Variants in ELP4 observed in about 807,000 individuals in gnomAD.
The protein encoded by ELP4 is elongator acetyltransferase complex subunit 4.
Under a neutral mutation model 48.9 loss-of-function variants are expected in ELP4, and 51 were observed. The observed-to-expected ratio is 1.04, with a 90% CI of 0.83 to 1.32. The LOEUF (loss-of-function observed/expected upper bound fraction) is 1.32. ELP4 is among the 40% of genes most tolerant of loss of function. The pLI, the probability that ELP4 is intolerant of heterozygous loss-of-function variation, is 0.00. For missense variants in ELP4, 519 were observed against 514.6 expected (o/e 1.01, Z -0.08); for synonymous variants, 210 against 189.2 (o/e 1.11, Z -0.90).
rs116884725 is a variant in ELP4, at chr11:31,729,029, G to C, written c.1144-54364G>C. On this transcript the variant is annotated intron_variant, in intron 9 of 9. Coordinates refer to ENST00000640961, the MANE Select transcript of ELP4 (RefSeq NM_019040.5). ...AAGCACAAAATAGTCTCATTAGCTA[G>C]AGGAGAAAATTCTAAGGTATTCCTG... 3.5e-4 allele frequency among the ~76,000 whole-genome samples: 54 copies of C among 152,276 alleles called. No individual in the cohort carries two copies. In the East Asian group the frequency reaches 0.01, roughly 29 times the overall value.
At chr11:31,649,658 A>G (rs562933660) in intron 8 of ELP4, 1 of 152,426 alleles carries the variant, frequency 6.6e-6, no homozygotes, top group Non-Finnish European at 1.5e-5. Context: ...AAGGTACAAA[A>G]TGAAATATTT....
chr11:31,510,734 T>G (rs892664713), intron 1 of ELP4: 38 of 199,116 alleles, frequency 1.9e-4, no homozygotes, highest in Non-Finnish European at 5.0e-5. Context: ...TTCTTAGGCT[T>G]TCCTTTAAAA....
Position 31,783,641 on chromosome 11 carries a change from A to G in ELP4, c.*117A>G. The G allele has an allele frequency of 2.1e-6, 2 of 950,054 alleles. No individual in the cohort carries two copies. Among genetic ancestry groups the G allele is most frequent in the Non-Finnish European group, 3.0e-6 (2 of 674,898 alleles). 58.9% of individuals were successfully genotyped at this position (950,054 alleles called of 1,614,324 possible). On this transcript the variant is annotated 3_prime_UTR_variant, in exon 10 of 10. Coordinates refer to ENST00000640961, the MANE Select transcript of ELP4 (RefSeq NM_019040.5). ...CCCTCCACTCCTTGAAAAACACAGG[A>G]TTATAAAATGGTGCCGCCATTTCTC...
intron 3 of ELP4, among the ~76,000 whole-genome samples, chr11:31,593,385 C>T (rs1396547451): frequency 6.6e-6 from 1 of 151,898 alleles, no homozygotes; most frequent in African/African-American, 2.4e-5. Context: ...GGCACTACAG[C>T]CATGTGCCAC....
At chr11:31,671,486 A>G (rs998724594) in intron 9 of ELP4, among the ~76,000 whole-genome samples, 1 of 152,238 alleles carries the variant, frequency 6.6e-6, no homozygotes, top group African/African-American at 2.4e-5. Flanking sequence ...ATTACACATA[A>G]TATCAGAGAT....
chr11:31,563,924 G>A (rs1957062218), intron 3 of ELP4, among the ~76,000 whole-genome samples: 1 of 152,126 alleles, frequency 6.6e-6, no homozygotes, highest in African/African-American at 2.4e-5. Flanking sequence ...GTGTAAGGGA[G>A]GATGTTATCT....
chr11:31,691,586 TA>T lies in ELP4; in HGVS notation c.1143+41372del, dbSNP rs533754452. ...AAAGCCTCAGTTTTATCTTCAAGCT[TA>T]AAAAAATAATCCATGGTAAATTTAG... On this transcript the variant is annotated intron_variant, in intron 9 of 9. Coordinates refer to ENST00000640961, the MANE Select transcript of ELP4 (RefSeq NM_019040.5). Among the ~76,000 whole-genome samples, 15 of 152,222 alleles carry T rather than the reference TA, an allele frequency of 9.9e-5. No homozygotes were observed. The South Asian group carries it at 2.7e-3, about 27-fold the overall frequency.
intron 9 of ELP4, among the ~76,000 whole-genome samples, chr11:31,737,246 C>T (rs1947340578): frequency 6.6e-6 from 1 of 152,028 alleles, no homozygotes; most frequent in Admixed American, 6.6e-5. Context: ...CATGTTCTCA[C>T]TCATAGGTGG....
chr11:31,704,500 G>T (rs1375540290), intron 9 of ELP4, among the ~76,000 whole-genome samples: 1 of 152,014 alleles, frequency 6.6e-6, no homozygotes, highest in East Asian at 1.9e-4. Context: ...GGTGGGAGGA[G>T]GGGGGAGGGA....
intron 5 of ELP4, among the ~76,000 whole-genome samples, chr11:31,626,755 A>G (rs911849195): frequency 6.6e-6 from 1 of 151,808 alleles, no homozygotes; most frequent in Non-Finnish European, 1.5e-5. Flanking sequence ...ACTATGTGTT[A>G]ATTATGTATG....
chr11:31,582,170 A>C lies in ELP4; in HGVS notation c.382-12600A>C, dbSNP rs572113318. Among the ~76,000 whole-genome samples the C allele has an allele frequency of 7.2e-5, 11 of 152,330 alleles. No individual in the cohort carries two copies. The South Asian group carries it at 1.4e-3, about 20-fold the overall frequency. ...ACTTAATTACTTTGCGACCTTGGACAAGTTAATTAACCTTTGTGTTTCAAT... is the reference window on the plus strand; with the variant it reads ...ACTTAATTACTTTGCGACCTTGGACCAGTTAATTAACCTTTGTGTTTCAAT... On this transcript the variant is annotated intron_variant, in intron 3 of 9. Transcript: ENST00000640961.
At chr11:31,615,151 A>G (rs1281709975) in intron 5 of ELP4, among the ~76,000 whole-genome samples, 1 of 151,374 alleles carries the variant, frequency 6.6e-6, no homozygotes, top group Non-Finnish European at 1.5e-5. Flanking sequence ...GTGGAATGGG[A>G]AAAAAAAGAT....
At chr11:31,743,140 A>C (rs1010662095) in intron 9 of ELP4, among the ~76,000 whole-genome samples, 3 of 152,208 alleles carry the variant, frequency 2.0e-5, no homozygotes, top group Non-Finnish European at 4.4e-5. Flanking sequence ...AACAAAGACC[A>C]AAAGAGACAA....
chr11:31,547,360 C>G (rs2133920490), intron 3 of ELP4, among the ~76,000 whole-genome samples: 1 of 152,274 alleles, frequency 6.6e-6, no homozygotes, highest in Non-Finnish European at 1.5e-5. Flanking sequence ...ACAAACACCT[C>G]TACGCAAATA....
At chr11:31,574,566 G>T (rs1349967394) in intron 3 of ELP4, among the ~76,000 whole-genome samples, 1 of 152,180 alleles carries the variant, frequency 6.6e-6, no homozygotes, top group East Asian at 1.9e-4. Context: ...ATACAGCTGG[G>T]TGCCCCTCTG....
At chr11:31,553,717 C>A (rs1193325750) in intron 3 of ELP4, among the ~76,000 whole-genome samples, 1 of 102,904 alleles carries the variant, frequency 9.7e-6, no homozygotes, top group Non-Finnish European at 1.9e-5. Flanking sequence ...AATCTCTTTG[C>A]ACACACAAAC....
In ELP4 at chr11:31,789,633, C is replaced by A; in HGVS notation, c.*6109C>A. On this transcript the variant is annotated 3_prime_UTR_variant, in exon 10 of 10. Coordinates refer to ENST00000640961, the MANE Select transcript of ELP4 (RefSeq NM_019040.5). The stretch of plus-strand genomic sequence containing the variant: ...ACAGATCAAACATCCATCCAGTCTA[C>A]ATTGTTCTTTTTTTCATTATAACAT... The A allele has an allele frequency of 1.4e-6, 1 of 694,472 alleles. No homozygotes were observed. Among genetic ancestry groups the A allele is most frequent in the Non-Finnish European group, 2.6e-6 (1 of 381,744 alleles). The allele number at this position is 694,472 out of a possible 1,614,324, so 43.0% of individuals were successfully genotyped here.
intron 9 of ELP4, among the ~76,000 whole-genome samples, chr11:31,667,758 T>G (rs1945710938): frequency 6.6e-6 from 1 of 152,172 alleles, no homozygotes; most frequent in Non-Finnish European, 1.5e-5. Flanking sequence ...TGAAAGTAAC[T>G]TAGTAAACTA....
At chr11:31,668,488 CTT>C (rs754925129) in intron 9 of ELP4, among the ~76,000 whole-genome samples, 13 of 141,040 alleles carry the variant, frequency 9.2e-5, no homozygotes, top group African/African-American at 1.8e-4. Context: ...TGTTGTAATT[CTT>C]TTTTTTTTTT....
Sources: allele counts gnomAD v4.1 joint callset (sites outside exome capture counted in the v4.1 genomes callset), GRCh38; gene constraint gnomAD v4.1.1; transcripts MANE v1.5; gene names NCBI Gene and HGNC (gene_info 2026-07-23, HGNC 2026-07-21).